Variants in OSBPL8 observed in about 807,000 individuals in gnomAD.
The protein encoded by OSBPL8 is oxysterol-binding protein-related protein 8.
In OSBPL8, 59 loss-of-function variants were observed where a neutral mutation model predicts 125.5. The ratio of observed to expected loss-of-function variants is 0.47; its 90% CI spans 0.38 to 0.58. The LOEUF is 0.58. Among genes scored for constraint, OSBPL8 ranks in the 20% least tolerant of loss-of-function variants. OSBPL8 has a pLI of 0.00. For synonymous variants in OSBPL8, 330 were observed against 338.9 expected, an observed-to-expected ratio of 0.97 and a Z score of 0.29; for missense variants, 758 against 1,047.8, an observed-to-expected ratio of 0.72 and a Z score of 3.82.
intron 1 of OSBPL8, among the ~76,000 whole-genome samples, chr12:76,542,634 A>C (rs1187664046): frequency 2.6e-5 from 4 of 152,168 alleles, no homozygotes; most frequent in Non-Finnish European, 5.9e-5. Flanking sequence ...CCCTTGGATG[A>C]ACCACAGGTA....
At chr12:76,521,514 C>A (rs199858540) in intron 1 of OSBPL8, among the ~76,000 whole-genome samples, 6 of 152,112 alleles carry the variant, frequency 3.9e-5, no homozygotes, top group East Asian at 1.9e-4. Context: ...ATGTTCACAG[C>A]AGAATTATTC....
chr12:76,486,083 C>T, intron 2 of OSBPL8: 1 of 405,982 alleles, frequency 2.5e-6, no homozygotes, highest in Non-Finnish European at 4.9e-6. Context: ...CTTCATAAGC[C>T]AAGAATTTCC....
intron 19 of OSBPL8, 28 bp from the exon 20 acceptor site, chr12:76,369,850 T>C: frequency 6.4e-7 from 1 of 1,571,658 alleles, no homozygotes; most frequent in Admixed American, 1.9e-5. Context: ...ATATTAAAAG[T>C]ATTAAAAATG....
At chr12:76,497,331 A>C (rs1174461157) in intron 1 of OSBPL8, among the ~76,000 whole-genome samples, 1 of 152,208 alleles carries the variant, frequency 6.6e-6, no homozygotes, top group African/African-American at 2.4e-5. Flanking sequence ...AATAAACAAA[A>C]TGAGTCTGAT....
intron 1 of OSBPL8, among the ~76,000 whole-genome samples, chr12:76,492,197 CAT>C (rs1403048186): frequency 6.6e-6 from 1 of 152,070 alleles, no homozygotes; most frequent in Non-Finnish European, 1.5e-5. Context: ...GAAAAGGTGA[CAT>C]GTGAGCAATG....
Position 76,487,596 on chromosome 12 carries a change from G to A in OSBPL8, c.-45C>T. 13 of 1,516,398 alleles carry A rather than the reference G, an allele frequency of 8.6e-6. 1 individual carries two copies. Among genetic ancestry groups the A allele is most frequent in the Non-Finnish European group, 1.2e-5 (13 of 1,122,496 alleles). The allele number at this position is 1,516,398 out of a possible 1,614,324, so 93.9% of individuals were successfully genotyped here. On this transcript the variant is annotated 5_prime_UTR_variant, in exon 2 of 24. Transcript: ENST00000261183. ...ATGCTTCTCTTTCCATTAATGTGCA[G>A]CCATTCTGTAAATCTGCAAATCCTA...
chr12:76,384,141 A>C, intron 15 of OSBPL8, 113 bp downstream of exon 15: 1 of 505,922 alleles, frequency 2.0e-6, no homozygotes. Context: ...GAAAGATGAT[A>C]CTTAAAATGA....
chr12:76,526,944 C>T (rs1950196690), intron 1 of OSBPL8, among the ~76,000 whole-genome samples: 1 of 151,892 alleles, frequency 6.6e-6, no homozygotes, highest in African/African-American at 2.4e-5. Context: ...GCCACCATGC[C>T]TGGCCAGTAA....
chr12:76,524,433 T>C (rs1950107691), intron 1 of OSBPL8, among the ~76,000 whole-genome samples: 1 of 152,082 alleles, frequency 6.6e-6, no homozygotes, highest in East Asian at 1.9e-4. Flanking sequence ...GTAAGAGCAA[T>C]TAAATTTTTT....
At chr12:76,472,057 A>T (rs940696335) in intron 2 of OSBPL8, among the ~76,000 whole-genome samples, 1 of 152,194 alleles carries the variant, frequency 6.6e-6, no homozygotes, top group Admixed American at 6.5e-5. Flanking sequence ...TTAACGCTAA[A>T]CACATAATGC....
chr12:76,439,379 CA>C (rs1000663742), intron 4 of OSBPL8, among the ~76,000 whole-genome samples: 235 of 134,878 alleles, frequency 1.7e-3, no homozygotes, highest in East Asian at 4.0e-3. Context: ...ACTCCATCTC[CA>C]AAAAAAAAAA....
intron 2 of OSBPL8, among the ~76,000 whole-genome samples, chr12:76,461,444 C>G (rs1874719043): frequency 1.3e-5 from 2 of 152,042 alleles, no homozygotes; most frequent in African/African-American, 4.8e-5. Flanking sequence ...ACCCTCCATC[C>G]CCAGTCTTTC....
chr12:76,475,000 T>C (rs1230367037), intron 2 of OSBPL8, among the ~76,000 whole-genome samples: 1 of 152,238 alleles, frequency 6.6e-6, no homozygotes, highest in East Asian at 1.9e-4. Context: ...ATTGTTCTAC[T>C]GTCACTAGAA....
intron 1 of OSBPL8, among the ~76,000 whole-genome samples, chr12:76,496,109 T>C (rs1030199746): frequency 6.6e-6 from 1 of 152,188 alleles, no homozygotes; most frequent in Admixed American, 6.5e-5. Flanking sequence ...CGTCTTTTTT[T>C]AACGACACAT....
At chr12:76,539,703 C>T (rs192720330) in intron 1 of OSBPL8, among the ~76,000 whole-genome samples, 1 of 152,160 alleles carries the variant, frequency 6.6e-6, no homozygotes, top group African/African-American at 2.4e-5. Context: ...GATAAAAAGC[C>T]GAAGAGTGAA....
chr12:76,402,400 T>C (rs1954085121), intron 6 of OSBPL8, among the ~76,000 whole-genome samples: 1 of 152,180 alleles, frequency 6.6e-6, no homozygotes, highest in Non-Finnish European at 1.5e-5. Flanking sequence ...ATAGTGATAA[T>C]ATACCTAGTT....
At position 76,450,932 on chromosome 12, in the gene OSBPL8, G is replaced by A. The variant is rs760900841; in HGVS notation, c.136C>T (p.Arg46Cys). 2.4e-5 allele frequency: 38 copies of A among 1,613,764 alleles called. No homozygotes were observed. Among genetic ancestry groups the A allele is most frequent in the Non-Finnish European group, 2.8e-5 (33 of 1,179,908 alleles). The change falls in exon 4 of 24, where the codon CGC becomes TGC. Residue 46 changes from arginine (R) to cysteine (C), a missense_variant. Coordinates refer to ENST00000261183, the MANE Select transcript of OSBPL8 (RefSeq NM_020841.5). ...QLLTPGKMSQ[R>C]QGKEAYPTPT... The stretch of plus-strand genomic sequence containing the variant: ...GTTGGATAAGCTTCTTTTCCTTGGC[G>A]CTGACTCATCTTTCCTGGTGTCAGA...
At chr12:76,421,189 CAG>C (rs886148612) in intron 4 of OSBPL8, among the ~76,000 whole-genome samples, 1 of 151,704 alleles carries the variant, frequency 6.6e-6, no homozygotes, top group African/African-American at 2.4e-5. Context: ...AACAAAGAGA[CAG>C]AAACAAATAC....
At chr12:76,377,596 G>A (rs1051878513) in intron 16 of OSBPL8, among the ~76,000 whole-genome samples, 1 of 151,962 alleles carries the variant, frequency 6.6e-6, no homozygotes, top group African/African-American at 2.4e-5. Context: ...CGTATCCTTT[G>A]CCCACTTTTC....
Sources: gnomAD v4.1 joint callset for allele counts (sites outside exome capture counted in the v4.1 genomes callset) on GRCh38, gnomAD v4.1.1 for gene constraint, MANE v1.5 for transcripts, NCBI Gene and HGNC (gene_info 2026-07-23, HGNC 2026-07-21) for gene names.